Variants in KDSR observed in about 807,000 individuals in gnomAD.
KDSR encodes 3-dehydrosphinganine reductase.
A neutral mutation model predicts 41.3 loss-of-function variants in KDSR; 23 were observed. The observed-to-expected ratio is 0.56, with a 90% CI of 0.40 to 0.79. The LOEUF is 0.79. Among genes scored for constraint, KDSR ranks in the 30% least tolerant of loss-of-function variants. The pLI is 0.00. For missense variants in KDSR, 351 were observed against 416.8 expected (o/e 0.84, Z 1.37); for synonymous variants, 138 against 151.7 (o/e 0.91, Z 0.66).
intron 8 of KDSR, among the ~76,000 whole-genome samples, chr18:63,336,359 T>C (rs926122278): frequency 6.6e-6 from 1 of 152,114 alleles, no homozygotes; most frequent in African/African-American, 2.4e-5. Flanking sequence ...TGAAAGACCA[T>C]TGACAGGAAA....
At chr18:63,359,178 CAAAAAAA>C (rs74169959) in intron 3 of KDSR, among the ~76,000 whole-genome samples, 12 of 37,096 alleles carry the variant, frequency 3.2e-4, no homozygotes, top group South Asian at 1.1e-3. Context: ...GACACTGCCT[CAAAAAAA>C]AAAAAAAAAA....
In KDSR at chr18:63,344,396, T is replaced by C. The variant is rs1335511849; in HGVS notation, c.693+14A>G. ...AACATTAGAGGTTCAAATTGGGACATGTAGGATACTGACCTTTGTTCTGTT... is the reference window on the plus strand; with the variant it reads ...AACATTAGAGGTTCAAATTGGGACACGTAGGATACTGACCTTTGTTCTGTT... On this transcript the variant is annotated intron_variant, in intron 7 of 9. Coordinates refer to ENST00000645214, the MANE Select transcript of KDSR (RefSeq NM_002035.4). 8.2e-6 allele frequency: 13 copies of C among 1,586,500 alleles called. 1 individual carries two copies. In the East Asian group the frequency reaches 1.6e-4, roughly 19 times the overall value.
chr18:63,362,317 A>G (rs113309989), intron 2 of KDSR, among the ~76,000 whole-genome samples: 217 of 152,382 alleles, frequency 1.4e-3, no homozygotes, highest in African/African-American at 5.0e-3. Flanking sequence ...CTAAGGAGGG[A>G]CGAGGTTCCT....
intron 6 of KDSR, among the ~76,000 whole-genome samples, chr18:63,347,495 C>CAAAAA (rs36023779): frequency 0.016 from 922 of 56,590 alleles, 9 homozygotes; most frequent in East Asian, 0.02. Context: ...GACTCCATCT[C>CAAAAA]AAAAAAAAAA....
chr18:63,367,168 A>G lies in KDSR; in HGVS notation c.-50T>C. On this transcript the variant is annotated 5_prime_UTR_variant, in exon 1 of 10. Transcript: ENST00000645214. Reference sequence around the variant, plus strand: ...AGCGGCCGGGCGGGGGCCGCCGGGCAAGGCGCGCAGGGCTGGGCTGCGGCG... The same window carrying G: ...AGCGGCCGGGCGGGGGCCGCCGGGCGAGGCGCGCAGGGCTGGGCTGCGGCG... 1 of 1,024,656 alleles carries G rather than the reference A, an allele frequency of 9.8e-7. No individual in the cohort carries two copies. Among genetic ancestry groups the G allele is most frequent in the Non-Finnish European group, 1.3e-6 (1 of 789,724 alleles). The allele number at this position is 1,024,656 out of a possible 1,614,324, so 63.5% of individuals were successfully genotyped here.
chr18:63,361,225 AAAAAAAAAAAAAG>A (rs766258504), intron 2 of KDSR, among the ~76,000 whole-genome samples: 24 of 138,506 alleles, frequency 1.7e-4, no homozygotes, highest in African/African-American at 4.8e-4. Flanking sequence ...AAAAAAAAAA[AAAAAAAAAAAAAG>A]AATGAATTAC....
At chr18:63,360,088 C>G (rs1914918717) in intron 2 of KDSR, among the ~76,000 whole-genome samples, 1 of 152,190 alleles carries the variant, frequency 6.6e-6, no homozygotes, top group African/African-American at 2.4e-5. Flanking sequence ...GAGGCTGACT[C>G]TACAGTTCTA....
chr18:63,335,447 C>A, intron 8 of KDSR, 89 bp from the exon 9 acceptor site: 2 of 876,858 alleles, frequency 2.3e-6, no homozygotes, highest in South Asian at 2.9e-5. Flanking sequence ...GGAGTGTGCT[C>A]GTTCACTTTA....
chr18:63,345,736 G>A (rs1914482024), intron 6 of KDSR: 1 of 152,126 alleles, frequency 6.6e-6, no homozygotes, highest in South Asian at 2.1e-4. Flanking sequence ...GAGGTCAGGA[G>A]TTCGAGACCA....
At position 63,344,483 on chromosome 18, in the gene KDSR, T is replaced by C. The variant is rs1914438773; in HGVS notation, c.620A>G (p.Tyr207Cys). Reference sequence around the variant, plus strand: ...GTAAGCAACTGTGATGTAGACATTATATGGCTTCACCTGCATTTCAAAACA... The same window carrying C: ...GTAAGCAACTGTGATGTAGACATTACATGGCTTCACCTGCATTTCAAAACA... Reference protein sequence around the residue: ...AEALQMEVKPYNVYITVAYPP... With the variant: ...AEALQMEVKPCNVYITVAYPP... The change falls in exon 7 of 10, where the codon TAT becomes TGT. Residue 207 changes from tyrosine (Y) to cysteine (C), a missense_variant. Transcript: ENST00000645214. 1 of 1,613,448 alleles carries C rather than the reference T, an allele frequency of 6.2e-7. No homozygotes were observed. Among genetic ancestry groups the C allele is most frequent in the Non-Finnish European group, 8.5e-7 (1 of 1,179,380 alleles).
chr18:63,339,668 C>T (rs1294068863), intron 7 of KDSR, among the ~76,000 whole-genome samples: 1 of 152,236 alleles, frequency 6.6e-6, no homozygotes, highest in African/African-American at 2.4e-5. Flanking sequence ...ATTATAGCTA[C>T]TTGTGCATTT....
chr18:63,348,339 A>C (rs1007773276), intron 6 of KDSR, among the ~76,000 whole-genome samples: 31 of 143,036 alleles, frequency 2.2e-4, no homozygotes, highest in African/African-American at 7.8e-4. Flanking sequence ...AAAAAAAAAA[A>C]GTATCTGGAG....
chr18:63,353,129 C>A (rs949358862), intron 5 of KDSR, among the ~76,000 whole-genome samples: 1 of 151,518 alleles, frequency 6.6e-6, no homozygotes, highest in African/African-American at 2.4e-5. Context: ...TGCAGTGACC[C>A]GAGATTGAGC....
intron 8 of KDSR, among the ~76,000 whole-genome samples, chr18:63,336,311 T>C (rs544033011): frequency 1.3e-5 from 2 of 152,310 alleles, no homozygotes; most frequent in East Asian, 3.9e-4. Context: ...ATTACAGGCA[T>C]GAGCCACCGT....
intron 5 of KDSR, among the ~76,000 whole-genome samples, chr18:63,351,550 G>T (rs1304252452): frequency 2.6e-5 from 4 of 152,148 alleles, no homozygotes; most frequent in Non-Finnish European, 4.4e-5. Context: ...CCTATTTGAT[G>T]ATGAATAAGA....
At chr18:63,339,706 G>C (rs1914287911) in intron 7 of KDSR, among the ~76,000 whole-genome samples, 1 of 152,170 alleles carries the variant, frequency 6.6e-6, no homozygotes, top group South Asian at 2.1e-4. Flanking sequence ...TTTCTTGTGG[G>C]CAGGGCCTTT....
chr18:63,357,683 C>G (rs1173345474), intron 3 of KDSR, among the ~76,000 whole-genome samples: 4 of 150,358 alleles, frequency 2.7e-5, no homozygotes, highest in Non-Finnish European at 5.9e-5. Context: ...CCTCCCAGAT[C>G]CAAGTGATTC....
intron 8 of KDSR, among the ~76,000 whole-genome samples, chr18:63,336,276 C>T (rs572703762): frequency 1.4e-4 from 21 of 152,202 alleles, no homozygotes; most frequent in African/African-American, 4.8e-4. Context: ...GCAATCCAGC[C>T]GCCTCGGCCT....
chr18:63,350,228 A>G (rs934922570), intron 6 of KDSR, among the ~76,000 whole-genome samples: 3 of 152,240 alleles, frequency 2.0e-5, no homozygotes, highest in African/African-American at 7.2e-5. Flanking sequence ...GGCTTCAAGC[A>G]GCTGAGGTGT....
Sources: gnomAD v4.1 joint callset for allele counts (sites outside exome capture counted in the v4.1 genomes callset) on GRCh38, gnomAD v4.1.1 for gene constraint, MANE v1.5 for transcripts, NCBI Gene and HGNC (gene_info 2026-07-23, HGNC 2026-07-21) for gene names.